The following MLLT10 variants were observed in gnomAD, a reference collection of about 807,000 sequenced individuals.
The protein encoded by MLLT10 is MLLT10 histone lysine methyltransferase DOT1L cofactor.
In MLLT10, 30 loss-of-function variants were observed where a neutral mutation model predicts 129.1. The ratio of observed to expected loss-of-function variants is 0.23; its 90% CI spans 0.17 to 0.32. The LOEUF is 0.32. MLLT10 is among the 10% of genes least tolerant of loss of function. The pLI is 1.00. For synonymous variants in MLLT10, 490 were observed against 446.4 expected, an observed-to-expected ratio of 1.10 and a Z score of -1.23; for missense variants, 1,119 against 1,268.3, an observed-to-expected ratio of 0.88 and a Z score of 1.79.
At chr10:21,663,534 G>A (rs868329084) in intron 9 of MLLT10, among the ~76,000 whole-genome samples, 18 of 151,144 alleles carry the variant, frequency 1.2e-4, no homozygotes, top group Middle Eastern at 3.5e-3. Context: ...GTGCCACCAT[G>A]CCCAGCTAAT....
rs777588436 is a variant in MLLT10 at position 21,733,923 on chromosome 10, T to C, written c.2652T>C (p.Pro884=). Residue 884 remains proline, a synonymous_variant, in exon 20 of 23, where the codon CCT becomes CCC. Coordinates refer to ENST00000307729, the MANE Select transcript of MLLT10 (RefSeq NM_001195626.3). The part of the protein sequence containing the change: ...TVGALASGMQ[P]VTSTIPAVSA... ...GGGCACTAGCTAGTGGAATGCAGCC[T>C]GTAACTTCCACCATTCCTGCCGTGT... 1.2e-6 allele frequency: 2 copies of C among 1,614,190 alleles called. No individual in the cohort carries two copies. Among genetic ancestry groups the C allele is most frequent in the Non-Finnish European group, 1.7e-6 (2 of 1,180,030 alleles).
At chr10:21,695,745 G>A (rs759121906) in intron 13 of MLLT10, among the ~76,000 whole-genome samples, 4 of 152,042 alleles carry the variant, frequency 2.6e-5, no homozygotes, top group African/African-American at 9.7e-5. Flanking sequence ...CTTCAGAAAA[G>A]TTTGTGTTTG....
At chr10:21,572,967 A>C (rs185822668) in intron 3 of MLLT10, among the ~76,000 whole-genome samples, 5 of 152,242 alleles carry the variant, frequency 3.3e-5, no homozygotes, top group Admixed American at 1.3e-4. Flanking sequence ...AATATTAAAT[A>C]CATTTTTTAG....
intron 13 of MLLT10, among the ~76,000 whole-genome samples, chr10:21,696,617 T>G (rs919522849): frequency 6.6e-6 from 1 of 152,330 alleles, no homozygotes; most frequent in African/African-American, 2.4e-5. Flanking sequence ...TAATGTTATT[T>G]TAAATTTTTT....
chr10:21,612,045 A>C (rs2044710393), intron 5 of MLLT10, among the ~76,000 whole-genome samples: 1 of 152,174 alleles, frequency 6.6e-6, no homozygotes, highest in South Asian at 2.1e-4. Context: ...GAGGTGTGGT[A>C]GATTGTGTCC....
At chr10:21,537,308 A>G (rs753647343) in intron 2 of MLLT10, among the ~76,000 whole-genome samples, 2 of 151,528 alleles carry the variant, frequency 1.3e-5, no homozygotes, top group Non-Finnish European at 2.9e-5. Flanking sequence ...TTCTTTATAT[A>G]TTTTTTTGAG....
chr10:21,662,474 T>A (rs2050310809), intron 9 of MLLT10, among the ~76,000 whole-genome samples: 2 of 152,208 alleles, frequency 1.3e-5, no homozygotes, highest in South Asian at 4.1e-4. Context: ...TTAAGAGATT[T>A]TTTTCTTGAG....
intron 13 of MLLT10, among the ~76,000 whole-genome samples, chr10:21,711,930 C>G (rs1187586437): frequency 6.6e-6 from 1 of 152,146 alleles, no homozygotes; most frequent in African/African-American, 2.4e-5. Context: ...TGCCTTTTTT[C>G]TACGCAACTT....
At chr10:21,620,461 T>C (rs2045698379) in intron 8 of MLLT10, among the ~76,000 whole-genome samples, 1 of 152,184 alleles carries the variant, frequency 6.6e-6, no homozygotes, top group Admixed American at 6.5e-5. Context: ...GGATAAACTT[T>C]TCGTAAGTTG....
rs1180550907 is a variant in MLLT10 at position 21,586,450 on chromosome 10, G to GT, written c.295+106dup. 1.1e-5 allele frequency: 10 copies of GT among 916,376 alleles called. No homozygotes were observed. The East Asian group carries it at 1.6e-4, about 15-fold the overall frequency. 56.8% of individuals were successfully genotyped at this position (916,376 alleles called of 1,614,324 possible). A position where few individuals can be genotyped will look rare whatever the true frequency, so the allele number is the denominator to read the frequency against. ...ATTTTATTTTATCAAATTAAACAGCGTTTTCTACTCATTTTTAACAGTGGT... is the reference window on the plus strand; with the variant it reads ...ATTTTATTTTATCAAATTAAACAGCGTTTTTCTACTCATTTTTAACAGTGGT... On this transcript the variant is annotated intron_variant, in intron 4 of 22. Transcript: ENST00000307729.
chr10:21,610,984 C>CTTTTTTTTTTTTTTTTTTTTTTTTTTTT (rs71393913), intron 5 of MLLT10, among the ~76,000 whole-genome samples: 1 of 102,872 alleles, frequency 9.7e-6, no homozygotes, highest in Non-Finnish European at 1.9e-5. Flanking sequence ...TCTTTTTTCT[C>CTTTTTTTTTTTTTTTTTTTTTTTTTTTT]TTTTTTTTTT....
At chr10:21,734,215 TC>T in intron 20 of MLLT10, 86 bp downstream of exon 20, 1 of 1,468,450 alleles carries the variant, frequency 6.8e-7, no homozygotes, top group Non-Finnish European at 9.1e-7. Context: ...TTCAATGTGT[TC>T]CTTTGTAGAT....
chr10:21,604,366 G>A (rs1422626142), intron 5 of MLLT10, among the ~76,000 whole-genome samples: 1 of 152,136 alleles, frequency 6.6e-6, no homozygotes, highest in Non-Finnish European at 1.5e-5. Flanking sequence ...TGGGCAGGCA[G>A]ATGACCTGAG....
chr10:21,642,486 G>T (rs773665685), intron 8 of MLLT10, among the ~76,000 whole-genome samples: 12 of 151,960 alleles, frequency 7.9e-5, no homozygotes, highest in Non-Finnish European at 1.6e-4. Flanking sequence ...GTGAAACCCC[G>T]TCTCTACTAA....
chr10:21,655,057 T>C (rs1589452377), intron 9 of MLLT10, among the ~76,000 whole-genome samples: 1 of 151,686 alleles, frequency 6.6e-6, no homozygotes, highest in Non-Finnish European at 1.5e-5. Context: ...TATTTAAGAG[T>C]AGGATATATG....
At position 21,743,462 on chromosome 10, in the gene MLLT10, A is replaced by C. The variant is rs1459975022; in HGVS notation, c.*1479A>C. ...AAGTCAAATCTTTTGTAGATAATTT[A>C]AAAAATCAGTGTGGTTTATTTTACT... On this transcript the variant is annotated 3_prime_UTR_variant, in exon 23 of 23. Transcript: ENST00000307729. The C allele has an allele frequency of 5.2e-6, 1 of 191,784 alleles. No individual in the cohort carries two copies. The allele number at this position is 191,784 out of a possible 1,614,324, so 11.9% of individuals were successfully genotyped here.
intron 9 of MLLT10, among the ~76,000 whole-genome samples, chr10:21,656,066 C>T (rs972622636): frequency 5.9e-5 from 9 of 152,260 alleles, no homozygotes; most frequent in African/African-American, 2.2e-4. Context: ...TGGTAGACTT[C>T]AGGCAAATAA....
At chr10:21,629,747 A>G (rs552239555) in intron 8 of MLLT10, among the ~76,000 whole-genome samples, 10 of 152,320 alleles carry the variant, frequency 6.6e-5, no homozygotes, top group Non-Finnish European at 1.0e-4. Context: ...TAGAGTTTCA[A>G]TATATTTATT....
intron 3 of MLLT10, among the ~76,000 whole-genome samples, chr10:21,573,733 AT>A (rs1449390943): frequency 1.3e-5 from 2 of 151,434 alleles, no homozygotes; most frequent in Non-Finnish European, 2.9e-5. Context: ...TGCCCGGCTA[AT>A]TTTTTTTGTG....
Sources: allele counts gnomAD v4.1 joint callset (sites outside exome capture counted in the v4.1 genomes callset), GRCh38; gene constraint gnomAD v4.1.1; transcripts MANE v1.5; gene names NCBI Gene and HGNC (gene_info 2026-07-23, HGNC 2026-07-21).